ERG: variants seen among roughly 807,000 people sequenced by gnomAD.
The protein encoded by ERG is transcriptional regulator ERG.
In ERG, 9 loss-of-function variants were observed where a neutral mutation model predicts 55.3. The ratio of observed to expected loss-of-function variants is 0.16; its 90% CI spans 0.10 to 0.28. The LOEUF (loss-of-function observed/expected upper bound fraction) is 0.28, where lower values mean the gene tolerates loss of function less well. Ranked by LOEUF, ERG falls within the 10% of genes least tolerant of loss-of-function variation. The pLI is 1.00. For missense variants in ERG, 434 were observed against 631.6 expected, an observed-to-expected ratio of 0.69 and a Z score of 3.35; for synonymous variants, 223 against 237.3, an observed-to-expected ratio of 0.94 and a Z score of 0.55.
rs78633822 is a variant in ERG, at chr21:38,641,778, A to C, written c.-150+19880T>G. ...AGGTAATTTGTCAGTCTATATCAAA[A>C]GATTAAAGATACATATCTTTCATCA... On this transcript the variant is annotated intron_variant, in intron 1 of 10. Coordinates refer to the ERG transcript ENST00000398910. Among the ~76,000 whole-genome samples the C allele has an allele frequency of 0.011, 1,645 of 152,338 alleles. 52 individuals carry two copies. In the East Asian group the frequency reaches 0.11, roughly 10 times the overall value.
intron 5 of ERG, among the ~76,000 whole-genome samples, chr21:38,400,936 C>T (rs980362497): frequency 3.9e-5 from 6 of 152,204 alleles, no homozygotes; most frequent in Admixed American, 3.3e-4. Context: ...ATCCCACTTC[C>T]CACTGGGCAA....
At chr21:38,385,808 T>C (rs1987668868) in intron 9 of ERG, among the ~76,000 whole-genome samples, 1 of 152,222 alleles carries the variant, frequency 6.6e-6, no homozygotes, top group Non-Finnish European at 1.5e-5. Flanking sequence ...TTAGTATATA[T>C]ATTGTAACCA....
intron 1 of ERG, among the ~76,000 whole-genome samples, chr21:38,582,559 T>C (rs1252129290): frequency 6.6e-6 from 1 of 152,228 alleles, no homozygotes. Context: ...AGTATGCAAG[T>C]TGAACCATTG....
chr21:38,383,932 G>A lies in ERG; in HGVS notation c.920-9C>T, dbSNP rs764755030. On this transcript the variant is annotated splice_polypyrimidine_tract_variant and intron_variant, in intron 9 of 9. Coordinates refer to ENST00000288319, the MANE Select transcript of ERG (RefSeq NM_182918.4). The surrounding 1 kb of genome is among the most constrained non-coding windows in gnomAD (Gnocchi z 5.7). ...CTGGATCTGGCCACTGCCTAATGAG[G>A]TCAGGAGAGGAAGGAAAACTCCAGT... The A allele has an allele frequency of 3.7e-6, 6 of 1,605,864 alleles. No homozygotes were observed. The highest frequency in any genetic ancestry group is 1.8e-4 in the Middle Eastern group (1 of 5,668).
intron 1 of ERG, among the ~76,000 whole-genome samples, chr21:38,656,989 C>T (rs1156313024): frequency 2.0e-5 from 3 of 152,052 alleles, no homozygotes; most frequent in Non-Finnish European, 2.9e-5. Flanking sequence ...AATCTCATTC[C>T]CACTAAAACA....
intron 9 of ERG, among the ~76,000 whole-genome samples, chr21:38,384,867 C>G (rs898970577): frequency 6.7e-6 from 1 of 149,696 alleles, no homozygotes; most frequent in Admixed American, 6.6e-5. Flanking sequence ...CTTTTTCAAA[C>G]CAGATCACCC....
At chr21:38,444,428 G>A (rs1168106800) in intron 2 of ERG, among the ~76,000 whole-genome samples, 2 of 152,156 alleles carry the variant, frequency 1.3e-5, no homozygotes, top group Admixed American at 6.5e-5. Flanking sequence ...TAAAGTTTCC[G>A]AAAATGTGAG....
At position 38,661,148 on chromosome 21, in the gene ERG, C is replaced by G. The variant is rs542535813; in HGVS notation, c.-150+510G>C. ...GGAGGGGCGAGGAGCAAGGGAAGGA[C>G]CAGAGGGGAGGAGAGGGGGTCAGGG... On this transcript the variant is annotated intron_variant, in intron 1 of 10. Transcript: ENST00000398910. Among the ~76,000 whole-genome samples the G allele has an allele frequency of 7.4e-5, 11 of 149,562 alleles. 2 individuals are homozygous for G. The South Asian group carries it at 2.3e-3, about 32-fold the overall frequency.
chr21:38,530,517 T>A (rs1573332), intron 2 of ERG, among the ~76,000 whole-genome samples: 91,006 of 152,082 alleles, frequency 0.6, 27,552 homozygotes, highest in Middle Eastern at 0.71. Flanking sequence ...GAAAGCCTTC[T>A]CCAGGGGAAG....
At chr21:38,496,394 T>C (rs1222456725) in intron 1 of ERG, among the ~76,000 whole-genome samples, 1 of 152,220 alleles carries the variant, frequency 6.6e-6, no homozygotes, top group Non-Finnish European at 1.5e-5. Context: ...ACTTGGGCTT[T>C]GCGCTAACGT....
chr21:38,557,557 GA>G (rs952275046), intron 2 of ERG, among the ~76,000 whole-genome samples: 2 of 151,556 alleles, frequency 1.3e-5, no homozygotes, highest in Non-Finnish European at 2.9e-5. Context: ...ATATTAGCTT[GA>G]AAAAAAACTA....
rs756742175 is a variant in ERG, at chr21:38,383,360, G to A, written c.*43C>T. On this transcript the variant is annotated 3_prime_UTR_variant, in exon 10 of 10. Coordinates refer to ENST00000288319, the MANE Select transcript of ERG (RefSeq NM_182918.4). The surrounding 1 kb of genome is among the most constrained non-coding windows in gnomAD (Gnocchi z 5.7). ...TTCTCCGATAGAGTTTGTGGCGATG[G>A]GCTGGTGAATGCACGCTGATGGGAA... 3.4e-6 allele frequency: 5 copies of A among 1,452,692 alleles called. No individual in the cohort carries two copies. The highest frequency in any genetic ancestry group is 1.7e-5 in the South Asian group (1 of 57,850). 90.0% of individuals were successfully genotyped at this position (1,452,692 alleles called of 1,614,324 possible).
At chr21:38,453,480 C>T (rs970450999) in intron 1 of ERG, among the ~76,000 whole-genome samples, 1 of 152,226 alleles carries the variant, frequency 6.6e-6, no homozygotes, top group East Asian at 1.9e-4. Context: ...ACCTCGAATG[C>T]ATTTGAAAGG....
chr21:38,538,632 T>C (rs1472306756), intron 2 of ERG, among the ~76,000 whole-genome samples: 2 of 152,180 alleles, frequency 1.3e-5, no homozygotes, highest in East Asian at 3.9e-4. Flanking sequence ...AACTAGTCTG[T>C]CAGCTTCTCT....
chr21:38,596,386 G>A (rs2060131780), intron 1 of ERG, among the ~76,000 whole-genome samples: 1 of 152,160 alleles, frequency 6.6e-6, no homozygotes, highest in Non-Finnish European at 1.5e-5. Flanking sequence ...GGACCATACT[G>A]TCTGCTAAGT....
intron 6 of ERG, chr21:38,395,259 A>G: frequency 8.8e-6 from 2 of 228,296 alleles, no homozygotes; most frequent in Non-Finnish European, 1.7e-5. Flanking sequence ...GAAACATTCA[A>G]CTCAGGCTCA....
chr21:38,373,012 C>T, the ERG span, among the ~76,000 whole-genome samples: 1 of 152,012 alleles, frequency 6.6e-6, no homozygotes, highest in Non-Finnish European at 1.5e-5. Flanking sequence ...TCCATAGATC[C>T]TGGAAGCAAA....
chr21:38,649,630 T>C (rs997917960), intron 1 of ERG, among the ~76,000 whole-genome samples: 2 of 152,234 alleles, frequency 1.3e-5, no homozygotes, highest in African/African-American at 2.4e-5. Context: ...AAATTAAATT[T>C]GTACTCTGAT....
rs201464740 is a variant in ERG at position 38,491,059 on chromosome 21, CT to C, written c.18+7303del. Among the ~76,000 whole-genome samples the C allele has an allele frequency of 3.6e-4, 54 of 151,848 alleles. No homozygotes were observed. In the East Asian group the frequency reaches 8.9e-3, roughly 25 times the overall value. ...GGACTACGCAATGCAAAACCACATA[CT>C]TTTTTTTTCTTTTTAACTTGGAGCA... On this transcript the variant is annotated intron_variant, in intron 1 of 9. Coordinates refer to ENST00000288319, the MANE Select transcript of ERG (RefSeq NM_182918.4).
Sources: gnomAD v4.1 joint callset for allele counts (sites outside exome capture counted in the v4.1 genomes callset) on GRCh38, gnomAD v4.1.1 for gene constraint, Gnocchi (gnomAD v3.1) non-coding constraint, MANE v1.5 for transcripts, NCBI Gene and HGNC (gene_info 2026-07-23, HGNC 2026-07-21) for gene names.